HLCS: variants seen among roughly 807,000 people sequenced by gnomAD.
HLCS encodes the protein holocarboxylase synthetase.
Under a neutral mutation model 75.0 loss-of-function variants are expected in HLCS, and 53 were observed. The observed-to-expected ratio is 0.71, with a 90% CI of 0.57 to 0.89. HLCS has a LOEUF of 0.89. Among genes scored for constraint, HLCS ranks in the 40% least tolerant of loss-of-function variants. The pLI is 0.00. For synonymous variants in HLCS, 431 were observed against 428.6 expected, an observed-to-expected ratio of 1.01 and a Z score of -0.07; for missense variants, 966 against 1,074.0, an observed-to-expected ratio of 0.90 and a Z score of 1.41.
intron 6 of HLCS, among the ~76,000 whole-genome samples, chr21:36,778,248 C>A (rs867783755): frequency 1.3e-5 from 2 of 151,390 alleles, no homozygotes; most frequent in African/African-American, 4.9e-5. Flanking sequence ...GGATTACAGG[C>A]GTGAGCCACT....
intron 6 of HLCS, among the ~76,000 whole-genome samples, chr21:36,876,693 T>C (rs1407552095): frequency 6.6e-6 from 1 of 152,206 alleles, no homozygotes; most frequent in Non-Finnish European, 1.5e-5. Context: ...TTGGTGAACA[T>C]ACCAAGCACA....
In HLCS at chr21:36,942,422, A is replaced by G. The variant is rs1230376000; in HGVS notation, c.331-3428T>C. On this transcript the variant is annotated intron_variant, in intron 2 of 10. Coordinates refer to ENST00000674895, the MANE Select transcript of HLCS (RefSeq NM_001352514.2). The stretch of plus-strand genomic sequence containing the variant: ...TCAAAAAAAAAAAAAAAAAAAAAAA[A>G]AAAAAGAATGAGGATAAACCTCTTC... Among the ~76,000 whole-genome samples the G allele has an allele frequency of 2.0e-5, 3 of 146,590 alleles. No individual in the cohort carries two copies. The East Asian group carries it at 6.0e-4, about 29-fold the overall frequency.
chr21:36,963,955 C>A (rs545604730), intron 1 of HLCS, among the ~76,000 whole-genome samples: 1 of 152,302 alleles, frequency 6.6e-6, no homozygotes, highest in African/African-American at 2.4e-5. Flanking sequence ...GGCTTGGTGG[C>A]TCACACCTGT....
chr21:36,950,919 T>C (rs2067641899), intron 2 of HLCS, among the ~76,000 whole-genome samples: 1 of 152,188 alleles, frequency 6.6e-6, no homozygotes, highest in South Asian at 2.1e-4. Flanking sequence ...TTCTGGGCCC[T>C]TGTGTAACTT....
At chr21:36,902,369 G>A (rs1353640830) in intron 5 of HLCS, among the ~76,000 whole-genome samples, 1 of 152,212 alleles carries the variant, frequency 6.6e-6, no homozygotes, top group East Asian at 1.9e-4. Context: ...CACAGAAGCA[G>A]AAAGGTCAGC....
At position 36,750,191 on chromosome 21, in the gene HLCS, A is replaced by T. The variant is rs896037543; in HGVS notation, c.*4055T>A. ...GTGAGGCTCCGGCAGGGGAAGAGGA[A>T]GCATTTTAATACATATGCCTCTCTT... is the stretch of plus-strand genomic sequence containing the variant. On this transcript the variant is annotated 3_prime_UTR_variant, in exon 11 of 11. Coordinates refer to ENST00000674895, the MANE Select transcript of HLCS (RefSeq NM_001352514.2). 2.0e-5 allele frequency among the ~76,000 whole-genome samples: 3 copies of T among 152,212 alleles called. No homozygotes were observed. Among genetic ancestry groups the T allele is most frequent in the African/African-American group, 7.2e-5 (3 of 41,460 alleles).
intron 1 of HLCS, among the ~76,000 whole-genome samples, chr21:36,973,407 G>A (rs2146716209): frequency 8.2e-6 from 1 of 121,542 alleles, no homozygotes; most frequent in South Asian, 3.1e-4. Flanking sequence ...AAAACAGACT[G>A]TACCCAGCTG....
At chr21:36,895,820 G>A (rs1396994739) in intron 6 of HLCS, among the ~76,000 whole-genome samples, 1 of 152,064 alleles carries the variant, frequency 6.6e-6, no homozygotes, top group South Asian at 2.1e-4. Flanking sequence ...AATATTTCAC[G>A]CCTTAAATTT....
intron 6 of HLCS, among the ~76,000 whole-genome samples, chr21:36,768,772 C>T (rs1176868481): frequency 6.6e-6 from 1 of 152,228 alleles, no homozygotes; most frequent in Non-Finnish European, 1.5e-5. Context: ...TCATTGAGAT[C>T]GAGTGTGCTG....
intron 10 of HLCS, among the ~76,000 whole-genome samples, chr21:36,756,311 A>G (rs868172527): frequency 3.3e-5 from 5 of 151,808 alleles, no homozygotes; most frequent in African/African-American, 4.8e-5. Flanking sequence ...GGCGGCGGGC[A>G]CCTGTAGTCC....
At chr21:36,965,809 G>A (rs1198110628) in intron 1 of HLCS, among the ~76,000 whole-genome samples, 3 of 150,106 alleles carry the variant, frequency 2.0e-5, no homozygotes, top group East Asian at 3.9e-4. Flanking sequence ...ATAGCTCACT[G>A]TAGCTTCAAA....
At chr21:36,905,346 T>C (rs1601693904) in intron 5 of HLCS, among the ~76,000 whole-genome samples, 2 of 152,176 alleles carry the variant, frequency 1.3e-5, no homozygotes, top group African/African-American at 4.8e-5. Context: ...GAGAGTATGG[T>C]CTTGAGATGG....
At chr21:36,979,254 C>A (rs1400577109) in intron 1 of HLCS, among the ~76,000 whole-genome samples, 5 of 137,294 alleles carry the variant, frequency 3.6e-5, no homozygotes, top group African/African-American at 1.4e-4. Flanking sequence ...GCCTGGGTGA[C>A]AGAGCAAGAC....
At chr21:36,813,785 A>G (rs1423127953) in intron 6 of HLCS, among the ~76,000 whole-genome samples, 1 of 152,236 alleles carries the variant, frequency 6.6e-6, no homozygotes, top group African/African-American at 2.4e-5. Flanking sequence ...AATAAGAAAT[A>G]TTAGGTCACA....
chr21:36,796,364 TAG>T (rs2061024703), intron 6 of HLCS, among the ~76,000 whole-genome samples: 1 of 152,206 alleles, frequency 6.6e-6, no homozygotes, highest in Admixed American at 6.5e-5. Flanking sequence ...ATTTTCTGAA[TAG>T]ATGCAGAACA....
At chr21:36,760,751 T>A (rs1309323279) in intron 8 of HLCS, among the ~76,000 whole-genome samples, 1 of 152,102 alleles carries the variant, frequency 6.6e-6, no homozygotes, top group Non-Finnish European at 1.5e-5. Flanking sequence ...TTGAATGGTG[T>A]GGCCTGGGGG....
chr21:36,841,329 T>G (rs61487116), intron 6 of HLCS, among the ~76,000 whole-genome samples: 1 of 152,306 alleles, frequency 6.6e-6, no homozygotes, highest in East Asian at 1.9e-4. Context: ...TAGAGACAAT[T>G]TACAATGTGT....
chr21:36,755,801 G>A (rs2089545513), intron 10 of HLCS, among the ~76,000 whole-genome samples: 2 of 152,238 alleles, frequency 1.3e-5, no homozygotes, highest in South Asian at 4.1e-4. Flanking sequence ...TGGAGTATCT[G>A]TTATGACACA....
chr21:36,984,430 G>A (rs994273345), intron 1 of HLCS, among the ~76,000 whole-genome samples: 1 of 152,124 alleles, frequency 6.6e-6, no homozygotes, highest in African/African-American at 2.4e-5. Context: ...CACAACAGTC[G>A]ATCTGATCAC....
Sources: gnomAD v4.1 joint callset for allele counts (sites outside exome capture counted in the v4.1 genomes callset) on GRCh38, gnomAD v4.1.1 for gene constraint, MANE v1.5 for transcripts, NCBI Gene and HGNC (gene_info 2026-07-23, HGNC 2026-07-21) for gene names.